MAGI2: variants seen among roughly 807,000 people sequenced by gnomAD.
MAGI2 encodes the protein membrane associated guanylate kinase, WW and PDZ domain containing 2.
In MAGI2, 35 loss-of-function variants were observed where a neutral mutation model predicts 133.3. The ratio of observed to expected loss-of-function variants is 0.26; its 90% CI spans 0.20 to 0.35. The LOEUF is 0.35. Among genes scored for constraint, MAGI2 ranks in the 10% least tolerant of loss-of-function variants. The pLI is 1.00. For missense variants in MAGI2, 1,636 were observed against 1,863.4 expected (o/e 0.88, Z 2.25); for synonymous variants, 729 against 710.6 (o/e 1.03, Z -0.41).
At chr7:78,716,845 G>C (rs1284410988) in intron 2 of MAGI2, among the ~76,000 whole-genome samples, 1 of 152,126 alleles carries the variant, frequency 6.6e-6, no homozygotes, top group African/African-American at 2.4e-5. Context: ...GCTTTTCATG[G>C]GGCACGGAAT....
intron 10 of MAGI2, chr7:78,252,551 G>T (rs1018867094): frequency 2.0e-5 from 3 of 151,164 alleles, no homozygotes; most frequent in Non-Finnish European, 2.9e-5. Context: ...AAATAAAAGA[G>T]CTAAAGGTAT....
chr7:78,950,535 C>T (rs1054953706), intron 2 of MAGI2, among the ~76,000 whole-genome samples: 3 of 152,088 alleles, frequency 2.0e-5, no homozygotes, highest in African/African-American at 7.2e-5. Flanking sequence ...TTCCATATGC[C>T]GGTTTCTCAC....
intron 1 of MAGI2, chr7:79,008,612 A>AT (rs890574149): frequency 6.6e-6 from 1 of 152,164 alleles, no homozygotes; most frequent in African/African-American, 2.4e-5. Flanking sequence ...AAAGAAAAAC[A>AT]TTTTTTGTTG....
intron 16 of MAGI2, among the ~76,000 whole-genome samples, chr7:78,152,477 T>C (rs1563187695): frequency 6.6e-6 from 1 of 152,210 alleles, no homozygotes; most frequent in Non-Finnish European, 1.5e-5. Context: ...ATGTAGAAAG[T>C]GTGGTCTTTC....
chr7:78,579,387 GACAA>G (rs1802606541), intron 3 of MAGI2, among the ~76,000 whole-genome samples: 1 of 152,178 alleles, frequency 6.6e-6, no homozygotes, highest in Non-Finnish European at 1.5e-5. Flanking sequence ...TTGAGCTGAA[GACAA>G]ACAAGAAGCA....
chr7:78,644,060 C>G (rs1430504533), intron 2 of MAGI2, among the ~76,000 whole-genome samples: 1 of 151,660 alleles, frequency 6.6e-6, no homozygotes, highest in Non-Finnish European at 1.5e-5. Flanking sequence ...GATTTTAGAG[C>G]AAAGAACATT....
At chr7:79,113,880 G>A (rs1048144844) in intron 1 of MAGI2, among the ~76,000 whole-genome samples, 1 of 151,816 alleles carries the variant, frequency 6.6e-6, no homozygotes, top group African/African-American at 2.4e-5. Context: ...CTTAATGTCA[G>A]ACTTGACTAT....
intron 2 of MAGI2, among the ~76,000 whole-genome samples, chr7:78,759,951 C>T (rs977735177): frequency 1.3e-5 from 2 of 151,968 alleles, no homozygotes; most frequent in African/African-American, 2.4e-5. Context: ...TATGTCTCTA[C>T]TAAAAATACA....
chr7:79,250,054 T>G (rs992173021), intron 1 of MAGI2, among the ~76,000 whole-genome samples: 1 of 152,094 alleles, frequency 6.6e-6, no homozygotes, highest in Non-Finnish European at 1.5e-5. Context: ...TCATTTCAAC[T>G]GATGATAAAA....
chr7:78,738,028 A>T (rs1211258487), intron 2 of MAGI2, among the ~76,000 whole-genome samples: 1 of 150,820 alleles, frequency 6.6e-6, no homozygotes, highest in Non-Finnish European at 1.5e-5. Context: ...TGAAATTTCC[A>T]AAAAATAGAG....
At chr7:78,118,949 C>A (rs1820148576) in intron 20 of MAGI2, among the ~76,000 whole-genome samples, 1 of 152,158 alleles carries the variant, frequency 6.6e-6, no homozygotes, top group Non-Finnish European at 1.5e-5. Flanking sequence ...AGTAGTGCAT[C>A]CAGACAATGG....
Position 78,769,944 on chromosome 7 carries a change from A to AG in MAGI2, c.419-142706dup, listed in dbSNP as rs1038364492. 2.0e-4 allele frequency among the ~76,000 whole-genome samples: 30 copies of AG among 152,150 alleles called. 1 individual carries two copies. Among genetic ancestry groups the AG allele is most frequent in the African/African-American group, 6.8e-4 (28 of 41,428 alleles). On this transcript the variant is annotated intron_variant, in intron 2 of 21. Transcript: ENST00000354212. ...ACTTCTGAGTCAAAGGGGAAAAAAAAGAGGAAGAGAAAAAAGCATCTCTTC... is the reference window on the plus strand; with the variant it reads ...ACTTCTGAGTCAAAGGGGAAAAAAAAGGAGGAAGAGAAAAAAGCATCTCTTC...
At chr7:79,042,194 T>C (rs2116914888) in intron 1 of MAGI2, among the ~76,000 whole-genome samples, 1 of 152,310 alleles carries the variant, frequency 6.6e-6, no homozygotes, top group East Asian at 1.9e-4. Flanking sequence ...TTGCAGTTTC[T>C]TCATCAAAGG....
At chr7:78,963,094 GT>G (rs1562723099) in intron 2 of MAGI2, among the ~76,000 whole-genome samples, 1 of 151,974 alleles carries the variant, frequency 6.6e-6, no homozygotes. Flanking sequence ...TAAACTATGA[GT>G]TATGGATTAT....
At position 79,424,838 on chromosome 7, in the gene MAGI2, T is replaced by C. The variant is rs149823863; in HGVS notation, c.301+28182A>G. ...TTTATTCCTCATGTCACAGTCTGAATATCATGTAATGAAATTAATTATATT... is the reference window on the plus strand; with the variant it reads ...TTTATTCCTCATGTCACAGTCTGAACATCATGTAATGAAATTAATTATATT... On this transcript the variant is annotated intron_variant, in intron 1 of 21. Transcript: ENST00000354212. Among the ~76,000 whole-genome samples, 67 of 152,322 alleles carry C rather than the reference T, an allele frequency of 4.4e-4. No homozygotes were observed. The East Asian group carries it at 0.012, about 28-fold the overall frequency.
At chr7:78,423,668 G>A (rs1799006751) in intron 6 of MAGI2, among the ~76,000 whole-genome samples, 2 of 152,196 alleles carry the variant, frequency 1.3e-5, no homozygotes. Context: ...ATAAGGTCCA[G>A]GCTGAGGTGG....
intron 2 of MAGI2, among the ~76,000 whole-genome samples, chr7:78,636,351 C>CTT (rs34984460): frequency 0.047 from 6,104 of 129,154 alleles, 197 homozygotes; most frequent in Non-Finnish European, 0.069. Flanking sequence ...CAAAAACAGG[C>CTT]TTTTTTTTTT....
chr7:79,027,642 T>C (rs1048982704), intron 1 of MAGI2, among the ~76,000 whole-genome samples: 1 of 152,178 alleles, frequency 6.6e-6, no homozygotes, highest in African/African-American at 2.4e-5. Flanking sequence ...CAACAGTGTA[T>C]TGTACATTTC....
chr7:78,466,039 C>T (rs753911937), intron 6 of MAGI2, among the ~76,000 whole-genome samples: 6 of 152,160 alleles, frequency 3.9e-5, no homozygotes, highest in South Asian at 2.1e-4. Flanking sequence ...CACTCCAATC[C>T]GGCTTCAACC....
Sources: gnomAD v4.1 joint callset for allele counts (sites outside exome capture counted in the v4.1 genomes callset) on GRCh38, gnomAD v4.1.1 for gene constraint, MANE v1.5 for transcripts, NCBI Gene and HGNC (gene_info 2026-07-23, HGNC 2026-07-21) for gene names.